AZIN2: variants seen among roughly 807,000 people sequenced by gnomAD.
The protein encoded by AZIN2 is antizyme inhibitor 2.
A neutral mutation model predicts 47.8 loss-of-function variants in AZIN2; 28 were observed. The ratio of observed to expected loss-of-function variants is 0.59; its 90% confidence interval spans 0.43 to 0.80. The LOEUF (loss-of-function observed/expected upper bound fraction) is 0.80. Ranked by LOEUF, AZIN2 falls within the 30% of genes least tolerant of loss-of-function variation. The probability of loss-of-function intolerance (pLI) is 0.00; values close to 1 mark genes in which losing one functional copy is unlikely to be tolerated. For synonymous variants in AZIN2, 221 were observed against 239.4 expected, an observed-to-expected ratio of 0.92 and a Z score of 0.71; for missense variants, 535 against 582.5, an observed-to-expected ratio of 0.92 and a Z score of 0.84.
intron 9 of AZIN2, among the ~76,000 whole-genome samples, chr1:33,097,700 C>G (rs907772782): frequency 2.6e-5 from 4 of 152,178 alleles, no homozygotes; most frequent in Admixed American, 6.5e-5. Context: ...AATCAAGAGA[C>G]CTGGCTTCTC....
chr1:33,100,344 G>GA (rs1235328704), intron 10 of AZIN2, among the ~76,000 whole-genome samples: 2 of 150,626 alleles, frequency 1.3e-5, no homozygotes, highest in Non-Finnish European at 3.0e-5. Flanking sequence ...AGAAAGAAAA[G>GA]AAAAAAAGTT....
chr1:33,150,727 C>T, the AZIN2 span, among the ~76,000 whole-genome samples: 3 of 151,902 alleles, frequency 2.0e-5, no homozygotes, highest in Admixed American at 6.6e-5. Context: ...ACAGTGGGGT[C>T]GGGAGGTGGG....
the AZIN2 span, among the ~76,000 whole-genome samples, chr1:33,145,049 T>G: frequency 6.6e-6 from 1 of 152,242 alleles, no homozygotes; most frequent in African/African-American, 2.4e-5. Context: ...AGCCTGGATT[T>G]GAGCTGAGGT....
chr1:33,106,249 G>A (rs1034150085), intron 10 of AZIN2, among the ~76,000 whole-genome samples: 1 of 152,132 alleles, frequency 6.6e-6, no homozygotes, highest in East Asian at 1.9e-4. Context: ...TAGACCAATA[G>A]TGAGTTAGGA....
At chr1:33,110,993 C>A (rs1000812745) in intron 10 of AZIN2, among the ~76,000 whole-genome samples, 1 of 152,218 alleles carries the variant, frequency 6.6e-6, no homozygotes, top group South Asian at 2.1e-4. Context: ...TGAGGAGAGG[C>A]TGCAGTGTCA....
At chr1:33,093,253 C>T (rs200168227) in intron 6 of AZIN2, 29 bp from the exon 7 acceptor site, 83 of 1,612,108 alleles carry the variant, frequency 5.1e-5, no homozygotes, top group East Asian at 8.9e-5. Flanking sequence ...AGGGTTTGTC[C>T]AGCAGAGGGG....
intron 10 of AZIN2, among the ~76,000 whole-genome samples, chr1:33,101,158 G>A (rs768038576): frequency 2.0e-5 from 3 of 152,074 alleles, no homozygotes; most frequent in African/African-American, 7.2e-5. Flanking sequence ...CACTGGGCCC[G>A]GCACCATGTC....
At chr1:33,134,158 G>A in the AZIN2 span, among the ~76,000 whole-genome samples, 1 of 152,234 alleles carries the variant, frequency 6.6e-6, no homozygotes, top group Non-Finnish European at 1.5e-5. Flanking sequence ...ATGTGGCCCA[G>A]CCCCGTAAGA....
chr1:33,103,549 AT>A (rs1377550674), intron 10 of AZIN2, among the ~76,000 whole-genome samples: 2 of 152,072 alleles, frequency 1.3e-5, no homozygotes, highest in Non-Finnish European at 2.9e-5. Context: ...TAGTCAGATA[AT>A]TTTGATACCC....
chr1:33,118,807 T>G (rs1644684161), intron 11 of AZIN2: 1 of 152,268 alleles, frequency 6.6e-6, no homozygotes, highest in South Asian at 2.1e-4. Context: ...ACCAGGCTAG[T>G]GCTGGGATCC....
chr1:33,102,301 G>A (rs74064971), intron 10 of AZIN2, among the ~76,000 whole-genome samples: 2,256 of 152,132 alleles, frequency 0.015, 48 homozygotes, highest in East Asian at 0.092. Context: ...TGTGTTTCCC[G>A]GAACTTCTTC....
downstream of AZIN2, among the ~76,000 whole-genome samples, chr1:33,127,783 C>A (rs541248794): frequency 2.7e-4 from 41 of 152,316 alleles, no homozygotes; most frequent in African/African-American, 9.6e-4. Context: ...TGAAATAATT[C>A]TTGATCTCTA....
At chr1:33,100,089 A>C (rs1167927796) in intron 10 of AZIN2, among the ~76,000 whole-genome samples, 1 of 152,160 alleles carries the variant, frequency 6.6e-6, no homozygotes, top group Non-Finnish European at 1.5e-5. Context: ...TGGGAGGCAG[A>C]GGTGGTTGGA....
chr1:33,165,558 C>G, the AZIN2 span: 1 of 1,607,806 alleles, frequency 6.2e-7, no homozygotes, highest in African/African-American at 1.3e-5. The surrounding 1 kb of genome is among the most constrained non-coding windows in gnomAD (Gnocchi z 4.0). Flanking sequence ...GTTGGTCCTT[C>G]AGCTCCCTCT....
At chr1:33,116,044 T>C (rs1644526989) in intron 10 of AZIN2, among the ~76,000 whole-genome samples, 1 of 152,204 alleles carries the variant, frequency 6.6e-6, no homozygotes, top group South Asian at 2.1e-4. Context: ...TAAACAAGAA[T>C]GTTCAGTTAT....
rs1644824374 is a variant in AZIN2, at chr1:33,123,064, C to T, written c.*2882C>T. 6.6e-6 allele frequency among the ~76,000 whole-genome samples: 1 copy of T among 152,254 alleles called. No homozygotes were observed. Among genetic ancestry groups the T allele is most frequent in the Non-Finnish European group, 1.5e-5 (1 of 68,050 alleles). The stretch of plus-strand genomic sequence containing the variant: ...TGGCCTCCCCTCTGTTCTTCAAACA[C>T]TCCACTGCTGGGCATGCATTTACTG... On this transcript the variant is annotated 3_prime_UTR_variant, in exon 12 of 12. Coordinates refer to ENST00000294517, the MANE Select transcript of AZIN2 (RefSeq NM_052998.4).
the AZIN2 span, chr1:33,146,289 C>T: frequency 0.7 from 130,650 of 186,006 alleles, 46,406 homozygotes; most frequent in Non-Finnish European, 0.75. Context: ...ACAAGGGGTC[C>T]AGCCAACAGC....
the AZIN2 span, among the ~76,000 whole-genome samples, chr1:33,135,557 C>CCATT: frequency 4.6e-3 from 694 of 152,316 alleles, 16 homozygotes; most frequent in East Asian, 0.085. Flanking sequence ...GGCCCACAGC[C>CCATT]CATTGCTTTG....
chr1:33,130,163 C>G, the AZIN2 span, among the ~76,000 whole-genome samples: 3 of 152,184 alleles, frequency 2.0e-5, no homozygotes, highest in Non-Finnish European at 2.9e-5. Context: ...CTGGCCGTAG[C>G]TTTGCACTTT....
Sources: allele counts gnomAD v4.1 joint callset (sites outside exome capture counted in the v4.1 genomes callset), GRCh38; gene constraint gnomAD v4.1.1; non-coding constraint Gnocchi (gnomAD v3.1); transcripts MANE v1.5; gene names NCBI Gene and HGNC (gene_info 2026-07-23, HGNC 2026-07-21).